The following CELF5 variants were observed in gnomAD, a reference collection of about 807,000 sequenced individuals.
The protein encoded by CELF5 is CUGBP Elav-like family member 5, also known as CUG-BP and ETR-3 like factor 5.
CELF5 carries 6 observed loss-of-function variants against 54.9 expected under a neutral mutation model. That is an observed-to-expected ratio of 0.11 (90% CI 0.06 to 0.22). The LOEUF (loss-of-function observed/expected upper bound fraction) is 0.22, where lower values mean the gene tolerates loss of function less well. CELF5 is among the 10% of genes least tolerant of loss of function. CELF5 has a pLI of 1.00. For missense variants in CELF5, 401 were observed against 678.6 expected (o/e 0.59, Z 4.54); for synonymous variants, 271 against 290.9 (o/e 0.93, Z 0.70).
intron 1 of CELF5, among the ~76,000 whole-genome samples, chr19:3,232,559 G>GA (rs562157637): frequency 1.4e-4 from 21 of 145,666 alleles, no homozygotes; most frequent in East Asian, 4.0e-4. Flanking sequence ...AGTCTGTAAA[G>GA]AAAAAAAAAA....
chr19:3,284,988 C>T (rs961049022), intron 9 of CELF5, 24 bp downstream of exon 9: 1 of 1,589,014 alleles, frequency 6.3e-7, no homozygotes, highest in Non-Finnish European at 8.6e-7. Flanking sequence ...CGCGTGCCCG[C>T]GCTGGGCCCT....
At chr19:3,227,792 A>G (rs115907540) in intron 1 of CELF5, among the ~76,000 whole-genome samples, 3,124 of 150,830 alleles carry the variant, frequency 0.021, 113 homozygotes, top group African/African-American at 0.073. Context: ...GGCCCCCATT[A>G]CCCCCCCTGC....
rs189747210 is a variant in CELF5 at position 3,278,791 on chromosome 19, G to A, written c.603+681G>A. On this transcript the variant is annotated intron_variant, in intron 5 of 12. Transcript: ENST00000292672. The surrounding 1 kb of genome is among the most constrained non-coding windows in gnomAD (Gnocchi z 4.5). ...ATGCAGGTCTGTGTGAGTATAGGTT[G>A]TGAGTGGGTGAGTGTGTATGTGTGT... 1.3e-4 allele frequency among the ~76,000 whole-genome samples: 20 copies of A among 152,108 alleles called. No individual in the cohort carries two copies. The highest frequency in any genetic ancestry group is 3.6e-4 in the African/African-American group (15 of 41,484).
At chr19:3,246,767 C>A (rs558140168) in intron 1 of CELF5, among the ~76,000 whole-genome samples, 1 of 152,182 alleles carries the variant, frequency 6.6e-6, no homozygotes, top group South Asian at 2.1e-4. Context: ...CATAATTGCC[C>A]CAAATAGCAA....
intron 2 of CELF5, among the ~76,000 whole-genome samples, chr19:3,258,455 G>A (rs1296590848): frequency 6.6e-6 from 1 of 151,758 alleles, no homozygotes; most frequent in Non-Finnish European, 1.5e-5. Context: ...CTCTTAGAAG[G>A]ACACTTCTCA....
At position 3,251,028 on chromosome 19, in the gene CELF5, A is replaced by G; in HGVS notation, c.303A>G (p.Lys101=). ...LTYCARDSAI[K]AQTALHEQKT... ...ACTGTGCCAGGGATTCCGCCATCAA[A>G]GCTCAGACTGCCCTGCACGAGCAGA... is the stretch of plus-strand genomic sequence containing the variant. The change falls in exon 2 of 13, where the codon AAA becomes AAG. Residue 101 remains lysine, a synonymous_variant. Coordinates refer to ENST00000292672, the MANE Select transcript of CELF5 (RefSeq NM_021938.4). 1 of 1,613,906 alleles carries G rather than the reference A, an allele frequency of 6.2e-7. No individual in the cohort carries two copies. Among genetic ancestry groups the G allele is most frequent in the Non-Finnish European group, 8.5e-7 (1 of 1,179,968 alleles).
intron 1 of CELF5, among the ~76,000 whole-genome samples, chr19:3,237,988 G>A (rs904707666): frequency 1.3e-5 from 2 of 152,048 alleles, no homozygotes; most frequent in Non-Finnish European, 2.9e-5. Context: ...GGCGGAGCTT[G>A]CAGTGAGCCG....
chr19:3,294,571 A>G (rs754985137), intron 12 of CELF5: 2 of 152,206 alleles, frequency 1.3e-5, no homozygotes, highest in African/African-American at 2.4e-5. Context: ...ACCTTCAGGA[A>G]CTGCCAACCA....
intron 2 of CELF5, among the ~76,000 whole-genome samples, chr19:3,260,425 C>T (rs752543282): frequency 3.3e-5 from 5 of 151,842 alleles, no homozygotes; most frequent in African/African-American, 9.7e-5. Context: ...CGTAAGCCAC[C>T]GAAGACTGGC....
chr19:3,226,344 G>A (rs1916909640), intron 1 of CELF5, among the ~76,000 whole-genome samples: 1 of 151,830 alleles, frequency 6.6e-6, no homozygotes, highest in African/African-American at 2.4e-5. Context: ...GTGAGATGGG[G>A]CCCAGGCCTG....
chr19:3,284,878 C>T (rs1599477026), intron 8 of CELF5, 24 bp from the exon 9 acceptor site: 1 of 1,610,644 alleles, frequency 6.2e-7, no homozygotes, highest in South Asian at 1.1e-5. Context: ...TCCCGCCCCA[C>T]TCAGCCCCTC....
intron 1 of CELF5, among the ~76,000 whole-genome samples, chr19:3,231,036 C>T (rs968982758): frequency 6.6e-6 from 1 of 152,176 alleles, no homozygotes; most frequent in Non-Finnish European, 1.5e-5. Context: ...AAACATAGAC[C>T]AGGGTCAGAG....
chr19:3,235,638 G>GTGGATGAGTGGGTGGGTGGATGGT (rs1917531184), intron 1 of CELF5, among the ~76,000 whole-genome samples: 2 of 113,438 alleles, frequency 1.8e-5, no homozygotes, highest in Admixed American at 8.7e-5. Context: ...GGGTGGATGG[G>GTGGATGAGTGGGTGGGTGGATGGT]TGGATGAGTG....
At chr19:3,243,197 G>A (rs1324576613) in intron 1 of CELF5, among the ~76,000 whole-genome samples, 1 of 151,412 alleles carries the variant, frequency 6.6e-6, no homozygotes, top group African/African-American at 2.4e-5. Flanking sequence ...TAATTTTTTT[G>A]TTTTGGGGTA....
At chr19:3,251,652 C>CTTTTTTTTTTTTTTTTT (rs1195812856) in intron 2 of CELF5, among the ~76,000 whole-genome samples, 9 of 67,104 alleles carry the variant, frequency 1.3e-4, no homozygotes, top group Admixed American at 3.7e-4. Context: ...ACAAGGGCTT[C>CTTTTTTTTTTTTTTTTT]TTTTTTTTTT....
intron 8 of CELF5, among the ~76,000 whole-genome samples, chr19:3,284,422 C>T (rs2080200171): frequency 6.6e-6 from 1 of 152,180 alleles, no homozygotes; most frequent in Non-Finnish European, 1.5e-5. Context: ...TGGACAACTT[C>T]TTCCCTCCCC....
At position 3,278,564 on chromosome 19, in the gene CELF5, G is replaced by A. The variant is rs929296141; in HGVS notation, c.603+454G>A. Among the ~76,000 whole-genome samples the A allele has an allele frequency of 4.6e-5, 7 of 152,172 alleles. No homozygotes were observed. Among genetic ancestry groups the A allele is most frequent in the East Asian group, 1.9e-4 (1 of 5,178 alleles). On this transcript the variant is annotated intron_variant, in intron 5 of 12. Coordinates refer to ENST00000292672, the MANE Select transcript of CELF5 (RefSeq NM_021938.4). The surrounding 1 kb of genome is among the most constrained non-coding windows in gnomAD (Gnocchi z 4.5). Reference sequence around the variant, plus strand: ...AGTGTAGAGATACTAGTGCGTGTGCGTGTATGAGAGTGTACATGTGTGTTT... The same window carrying A: ...AGTGTAGAGATACTAGTGCGTGTGCATGTATGAGAGTGTACATGTGTGTTT...
chr19:3,291,215 A>G (rs896409401), intron 11 of CELF5, among the ~76,000 whole-genome samples: 11 of 151,888 alleles, frequency 7.2e-5, no homozygotes, highest in African/African-American at 2.4e-4. Context: ...GCAGTGAGCT[A>G]TGATCACACC....
chr19:3,274,007 CA>C, intron 3 of CELF5, 84 bp downstream of exon 3: 1 of 1,399,692 alleles, frequency 7.1e-7, no homozygotes, highest in Non-Finnish European at 1.0e-6. Context: ...CTCTCTCCTG[CA>C]AAAGGGGCAG....
Sources: allele counts gnomAD v4.1 joint callset (sites outside exome capture counted in the v4.1 genomes callset), GRCh38; gene constraint gnomAD v4.1.1; non-coding constraint Gnocchi (gnomAD v3.1); transcripts MANE v1.5; gene names NCBI Gene and HGNC (gene_info 2026-07-23, HGNC 2026-07-21).